The following HMGA1 variants were observed in gnomAD, a reference collection of about 807,000 sequenced individuals.
HMGA1 encodes the protein high mobility group AT-hook 1, also known as high mobility group protein HMG-I/HMG-Y.
HMGA1 carries 1 observed loss-of-function variant against 15.1 expected under a neutral mutation model. That is an observed-to-expected ratio of 0.07 (90% confidence interval 0.02 to 0.31). The LOEUF is 0.31. Among genes scored for constraint, HMGA1 ranks in the 10% least tolerant of loss-of-function variants. HMGA1 has a pLI of 1.00. For synonymous variants in HMGA1, 56 were observed against 54.8 expected, an observed-to-expected ratio of 1.02 and a Z score of -0.10; for missense variants, 94 against 141.4, an observed-to-expected ratio of 0.66 and a Z score of 1.70.
intron 2 of HMGA1, among the ~76,000 whole-genome samples, chr6:34,237,688 G>GGAGTCC (rs1761904654): frequency 6.8e-6 from 1 of 147,292 alleles, no homozygotes; most frequent in South Asian, 2.1e-4. Context: ...CGCTGGAGCC[G>GGAGTCC]GAGCCCGAGC....
At chr6:34,241,047 C>CA in intron 3 of HMGA1, 132 bp downstream of exon 3, 2 of 1,037,004 alleles carry the variant, frequency 1.9e-6, no homozygotes, top group Non-Finnish European at 2.9e-6. Context: ...GTGGGTGTGT[C>CA]CTCCCACCTG....
intron 1 of HMGA1, 47 bp downstream of exon 1, chr6:34,237,010 T>C (rs1287579504): frequency 1.3e-5 from 2 of 152,010 alleles, no homozygotes; most frequent in Non-Finnish European, 2.9e-5. Context: ...ATATCTATAA[T>C]TTAATTAAAT....
chr6:34,240,570 T>C, intron 2 of HMGA1, 167 bp from the exon 3 acceptor site: 1 of 602,816 alleles, frequency 1.7e-6, no homozygotes, highest in Non-Finnish European at 3.0e-6. Context: ...TCCCCGCCCT[T>C]GGCAGCATCT....
At position 34,244,774 on chromosome 6, in the gene HMGA1, G is replaced by T. The variant is rs1009990337; in HGVS notation, c.271-57G>T. ...CAGGGAGCGGGTGGGGCCAGCCTCT[G>T]GGGGTGGAAGAGGGGGACCGGGCCA... On this transcript the variant is annotated intron_variant, in intron 5 of 5. Coordinates refer to ENST00000311487, the MANE Select transcript of HMGA1 (RefSeq NM_145899.3). 5.5e-6 allele frequency: 8 copies of T among 1,453,822 alleles called. No individual in the cohort carries two copies. The African/African-American group carries it at 8.4e-5, about 15-fold the overall frequency. The allele number at this position is 1,453,822 out of a possible 1,614,324, so 90.1% of individuals were successfully genotyped here.
intron 2 of HMGA1, 103 bp from the exon 3 acceptor site, chr6:34,240,633 TG>T (rs1403187939): frequency 2.1e-6 from 2 of 938,476 alleles, no homozygotes; most frequent in Non-Finnish European, 3.3e-6. Flanking sequence ...TGGGGGCCCA[TG>T]GGAGCACAGT....
intron 5 of HMGA1, among the ~76,000 whole-genome samples, chr6:34,244,185 G>C (rs963505258): frequency 1.3e-5 from 2 of 151,932 alleles, no homozygotes; most frequent in Non-Finnish European, 2.9e-5. Flanking sequence ...GGGGGGGTTA[G>C]GGGGTGCTGC....
At chr6:34,243,379 C>CAGGT in intron 4 of HMGA1, 89 bp from the exon 5 acceptor site, 1 of 988,740 alleles carries the variant, frequency 1.0e-6, no homozygotes, top group Non-Finnish European at 1.6e-6. Context: ...CCTGAACAGG[C>CAGGT]AGGTAGGTCT....
Position 34,242,807 on chromosome 6 carries a change from G to A in HMGA1, c.219+12G>A. The A allele has an allele frequency of 1.3e-6, 2 of 1,566,702 alleles. No homozygotes were observed. Among genetic ancestry groups the A allele is most frequent in the Non-Finnish European group, 1.7e-6 (2 of 1,151,138 alleles). ...CTGCCAAGACCCGGGTGAGACTTGA[G>A]ATGGGACTACCCCTGGGTGGATGAC... On this transcript the variant is annotated intron_variant, in intron 4 of 5. Transcript: ENST00000311487.
At chr6:34,237,616 C>A (rs1761889840) in intron 2 of HMGA1, among the ~76,000 whole-genome samples, 1 of 147,756 alleles carries the variant, frequency 6.8e-6, no homozygotes, top group African/African-American at 2.5e-5. Flanking sequence ...CTGCGGCGAG[C>A]GCGAGTTGTG....
intron 2 of HMGA1, among the ~76,000 whole-genome samples, chr6:34,238,428 C>T (rs115903583): frequency 0.05 from 7,689 of 152,308 alleles, 251 homozygotes; most frequent in Non-Finnish European, 0.076. Context: ...GAACCTACTT[C>T]TTCCTGCTCG....
chr6:34,241,166 T>A (rs1467386524), intron 3 of HMGA1, among the ~76,000 whole-genome samples: 1 of 152,054 alleles, frequency 6.6e-6, no homozygotes. Flanking sequence ...TGGCAAACAG[T>A]CCAAACCTAA....
chr6:34,240,579 C>T (rs1762220680), intron 2 of HMGA1, 158 bp from the exon 3 acceptor site: 2 of 627,162 alleles, frequency 3.2e-6, no homozygotes, highest in Admixed American at 2.5e-5. Flanking sequence ...TTGGCAGCAT[C>T]TGGGGGTGGG....
chr6:34,243,257 T>C (rs1448282916), intron 4 of HMGA1, among the ~76,000 whole-genome samples: 1 of 151,942 alleles, frequency 6.6e-6, no homozygotes, highest in Non-Finnish European at 1.5e-5. Flanking sequence ...CTCTGAGTCA[T>C]GGGCGGAGGT....
intron 2 of HMGA1, among the ~76,000 whole-genome samples, chr6:34,239,994 A>AG (rs1241292381): frequency 1.3e-5 from 2 of 152,134 alleles, no homozygotes; most frequent in African/African-American, 4.8e-5. Flanking sequence ...AGTTGGGCAG[A>AG]GGAGGGGTAA....
chr6:34,243,249 C>T (rs970038569), intron 4 of HMGA1, among the ~76,000 whole-genome samples: 11 of 151,966 alleles, frequency 7.2e-5, no homozygotes, highest in African/African-American at 2.4e-4. Context: ...CTCATATCCT[C>T]TGAGTCATGG....
rs1761837803 is a variant in HMGA1 at position 34,237,281 on chromosome 6, C to CCGG, written c.-80_-78dup. ...GCCCAGCACCGCCGCTCCCGGCAAC[C>CCGG]CGGAGCGCGCACCGCAGGCCGGCGG... On this transcript the variant is annotated 5_prime_UTR_variant, in exon 2 of 6. Coordinates refer to ENST00000311487, the MANE Select transcript of HMGA1 (RefSeq NM_145899.3). 6.8e-6 allele frequency: 1 copy of CCGG among 148,036 alleles called. No homozygotes were observed. Among genetic ancestry groups the CCGG allele is most frequent in the South Asian group, 2.1e-4 (1 of 4,816 alleles). 9.2% of individuals were successfully genotyped at this position (148,036 alleles called of 1,614,324 possible).
At chr6:34,240,609 C>A in intron 2 of HMGA1, 128 bp from the exon 3 acceptor site, 1 of 762,210 alleles carries the variant, frequency 1.3e-6, no homozygotes, top group Non-Finnish European at 2.2e-6. Context: ...CCATCCTGGG[C>A]AGAGTAGGAG....
intron 3 of HMGA1, among the ~76,000 whole-genome samples, chr6:34,241,203 G>A (rs543157669): frequency 4.6e-5 from 7 of 152,282 alleles, no homozygotes; most frequent in Admixed American, 3.9e-4. Context: ...CATGGCCAGT[G>A]CTTAAAACAC....
In HMGA1 at chr6:34,239,268, C is replaced by CT. The variant is rs113644738; in HGVS notation, c.-44-1457dup. Among the ~76,000 whole-genome samples, 329 of 144,756 alleles carry CT rather than the reference C, an allele frequency of 2.3e-3. 5 individuals carry two copies. Among genetic ancestry groups the CT allele is most frequent in the East Asian group, 0.02 (97 of 4,958 alleles). 95.0% of individuals were successfully genotyped at this position (144,756 alleles called of 152,430 possible). ...CATTGGGGTAAAAACTCTTTTTCTTCTTTTTTTTTTTTCTTTTAAATTAGA... is the reference window on the plus strand; with the variant it reads ...CATTGGGGTAAAAACTCTTTTTCTTCTTTTTTTTTTTTTCTTTTAAATTAGA... On this transcript the variant is annotated intron_variant, in intron 2 of 5. Transcript: ENST00000311487.
Sources: gnomAD v4.1 joint callset for allele counts (sites outside exome capture counted in the v4.1 genomes callset) on GRCh38, gnomAD v4.1.1 for gene constraint, MANE v1.5 for transcripts, NCBI Gene and HGNC (gene_info 2026-07-23, HGNC 2026-07-21) for gene names.